The following ROR2 variants were observed in gnomAD, a reference collection of about 807,000 sequenced individuals.
ROR2 encodes the protein ROR family WNT receptor 2.
In ROR2, 33 loss-of-function variants were observed where a neutral mutation model predicts 74.9. The ratio of observed to expected loss-of-function variants is 0.44; its 90% CI spans 0.33 to 0.59. The LOEUF (loss-of-function observed/expected upper bound fraction) is 0.59. Ranked by LOEUF, ROR2 falls within the 20% of genes least tolerant of loss-of-function variation. The probability of loss-of-function intolerance (pLI) is 0.02; values close to 1 mark genes in which losing one functional copy is unlikely to be tolerated. For missense variants in ROR2, 1,216 were observed against 1,313.8 expected (o/e 0.93, Z 1.15); for synonymous variants, 586 against 558.7 (o/e 1.05, Z -0.69).
chr9:91,917,392 T>A (rs534941940), intron 1 of ROR2, among the ~76,000 whole-genome samples: 2 of 152,032 alleles, frequency 1.3e-5, no homozygotes, highest in Non-Finnish European at 2.9e-5. Flanking sequence ...CATGGGGAAG[T>A]ACGATCCATG....
At chr9:91,927,024 C>T (rs950010359) in intron 1 of ROR2, among the ~76,000 whole-genome samples, 4 of 151,904 alleles carry the variant, frequency 2.6e-5, no homozygotes, top group African/African-American at 9.7e-5. Context: ...TATTTTAATA[C>T]CAAAATTTTA....
intron 4 of ROR2, among the ~76,000 whole-genome samples, chr9:91,748,168 G>A (rs541814312): frequency 2.0e-5 from 3 of 152,144 alleles, no homozygotes; most frequent in Non-Finnish European, 2.9e-5. Flanking sequence ...CCAGCTCCTC[G>A]GGAGACTGAG....
chr9:91,794,689 C>A (rs531889444), intron 1 of ROR2, among the ~76,000 whole-genome samples: 1 of 151,490 alleles, frequency 6.6e-6, no homozygotes, highest in Non-Finnish European at 1.5e-5. Context: ...CAGGTTCAAG[C>A]GATTCTCCTT....
intron 1 of ROR2, among the ~76,000 whole-genome samples, chr9:91,784,972 G>C (rs925924553): frequency 9.2e-5 from 14 of 152,146 alleles, no homozygotes; most frequent in African/African-American, 3.4e-4. Flanking sequence ...TCATTAGGTG[G>C]ATGAATGAAT....
chr9:91,875,397 A>T (rs568014812), intron 1 of ROR2, among the ~76,000 whole-genome samples: 1 of 152,370 alleles, frequency 6.6e-6, no homozygotes, highest in South Asian at 2.1e-4. Flanking sequence ...AGTGCCCTAA[A>T]GGAACTAATT....
intron 1 of ROR2, among the ~76,000 whole-genome samples, chr9:91,822,192 T>C (rs565396268): frequency 3.1e-4 from 47 of 152,360 alleles, no homozygotes; most frequent in African/African-American, 1.1e-3. Flanking sequence ...TTTTAAAACA[T>C]GTTTTCTCCT....
intron 1 of ROR2, among the ~76,000 whole-genome samples, chr9:91,834,096 C>T (rs1828546272): frequency 6.6e-6 from 1 of 152,164 alleles, no homozygotes. Context: ...AAACAGGTCT[C>T]GGGTTCCAAA....
intron 1 of ROR2, among the ~76,000 whole-genome samples, chr9:91,843,263 G>A (rs7849644): frequency 0.19 from 28,274 of 152,024 alleles, 4,587 homozygotes; most frequent in African/African-American, 0.44. Flanking sequence ...CTGGAATGAG[G>A]GCCTCAGAAC....
chr9:91,757,039 GA>G (rs2118846534), intron 3 of ROR2, among the ~76,000 whole-genome samples: 1 of 152,138 alleles, frequency 6.6e-6, no homozygotes, highest in Non-Finnish European at 1.5e-5. Flanking sequence ...CAAAGTGCTG[GA>G]ATTACAGGCG....
intron 1 of ROR2, among the ~76,000 whole-genome samples, chr9:91,801,671 C>A (rs1208614530): frequency 6.6e-6 from 1 of 152,134 alleles, no homozygotes; most frequent in Non-Finnish European, 1.5e-5. Flanking sequence ...TGCCGGAATC[C>A]CCAGGAGGGG....
chr9:91,825,194 G>A (rs978869195), intron 1 of ROR2, among the ~76,000 whole-genome samples: 1 of 152,214 alleles, frequency 6.6e-6, no homozygotes, highest in African/African-American at 2.4e-5. Context: ...ACGTAAGAAA[G>A]CCTTCGGTAA....
chr9:91,744,147 T>C (rs1039034733), intron 4 of ROR2, among the ~76,000 whole-genome samples: 1 of 152,078 alleles, frequency 6.6e-6, no homozygotes, highest in African/African-American at 2.4e-5. Context: ...GTTGCATTCA[T>C]TGTTGTATCC....
intron 1 of ROR2, among the ~76,000 whole-genome samples, chr9:91,820,055 G>A (rs568088621): frequency 6.6e-5 from 10 of 152,320 alleles, no homozygotes; most frequent in African/African-American, 2.4e-4. Context: ...AGAAGGTCGG[G>A]ATGGTGATGA....
chr9:91,926,700 G>T (rs533077616), intron 1 of ROR2, among the ~76,000 whole-genome samples: 1 of 151,632 alleles, frequency 6.6e-6, no homozygotes, highest in South Asian at 2.1e-4. Context: ...ACGTCCGGGT[G>T]AACCCTGATG....
chr9:91,887,638 A>G lies in ROR2; in HGVS notation c.97+62229T>C, dbSNP rs1830319873. The stretch of plus-strand genomic sequence containing the variant: ...GCGCCCTTATCTGAGGGGTTCTCTG[A>G]CCTATGCCTGGGAATGCAATTGCAC... On this transcript the variant is annotated intron_variant, in intron 1 of 8. Transcript: ENST00000375708. 2.0e-5 allele frequency among the ~76,000 whole-genome samples: 3 copies of G among 152,182 alleles called. No homozygotes were observed. In the South Asian group the frequency reaches 6.2e-4, roughly 32 times the overall value.
chr9:91,729,148 C>A (rs1837149693), intron 7 of ROR2, among the ~76,000 whole-genome samples: 1 of 151,222 alleles, frequency 6.6e-6, no homozygotes, highest in South Asian at 2.1e-4. Context: ...GAAATCACTG[C>A]TAAAAGTTTG....
At chr9:91,894,007 C>T (rs775399133) in intron 1 of ROR2, among the ~76,000 whole-genome samples, 12 of 152,142 alleles carry the variant, frequency 7.9e-5, no homozygotes, top group Non-Finnish European at 1.8e-4. Flanking sequence ...AAAACTAAGT[C>T]ACAACATTCC....
chr9:91,724,544 C>T lies in ROR2; in HGVS notation c.1950G>A (p.Gly650=), dbSNP rs140655378. ...TCCAGCGGATAGGCAGCAGCGAGTT[C>T]CCCAGCAGCTTGTAGTAATCGGCGG... The part of the protein sequence containing the change: ...VYAADYYKLL[G]NSLLPIRWMA... The change falls in exon 9 of 9, where the codon GGG becomes GGA. Residue 650 remains glycine (G), a synonymous_variant. Coordinates refer to ENST00000375708, the MANE Select transcript of ROR2 (RefSeq NM_004560.4). 3.1e-6 allele frequency: 5 copies of T among 1,614,198 alleles called. No individual in the cohort carries two copies. The highest frequency in any genetic ancestry group is 4.2e-6 in the Non-Finnish European group (5 of 1,180,044).
At chr9:91,827,136 T>C (rs1194564921) in intron 1 of ROR2, among the ~76,000 whole-genome samples, 1 of 152,138 alleles carries the variant, frequency 6.6e-6, no homozygotes, top group Non-Finnish European at 1.5e-5. Flanking sequence ...TTTAATATAA[T>C]ATTAATAATA....
Sources: allele counts gnomAD v4.1 joint callset (sites outside exome capture counted in the v4.1 genomes callset), GRCh38; gene constraint gnomAD v4.1.1; transcripts MANE v1.5; gene names NCBI Gene and HGNC (gene_info 2026-07-23, HGNC 2026-07-21).